The following LRRTM4 variants were observed in gnomAD, a reference collection of about 807,000 sequenced individuals.
LRRTM4 encodes the protein leucine rich repeat transmembrane neuronal 4.
In LRRTM4, 25 loss-of-function variants were observed where a neutral mutation model predicts 47.6. The ratio of observed to expected loss-of-function variants is 0.53; its 90% confidence interval spans 0.38 to 0.73. The LOEUF (loss-of-function observed/expected upper bound fraction) is 0.73, where lower values mean the gene tolerates loss of function less well. Among genes scored for constraint, LRRTM4 ranks in the 30% least tolerant of loss-of-function variants. The pLI is 0.00. For synonymous variants in LRRTM4, 311 were observed against 269.5 expected, an observed-to-expected ratio of 1.15 and a Z score of -1.51; for missense variants, 638 against 713.4, an observed-to-expected ratio of 0.89 and a Z score of 1.20.
intron 3 of LRRTM4, 189 bp downstream of exon 3, chr2:77,518,129 T>TAAA: frequency 5.9e-6 from 7 of 1,188,880 alleles, no homozygotes; most frequent in East Asian, 6.4e-5. Context: ...TTCAACCATT[T>TAAA]AAAAAAAAAA....
intron 3 of LRRTM4, among the ~76,000 whole-genome samples, chr2:76,831,635 C>T (rs576208106): frequency 2.8e-4 from 42 of 152,150 alleles, no homozygotes; most frequent in Non-Finnish European, 6.0e-4. Context: ...ATGGTTTACT[C>T]CAAATCCATA....
At chr2:77,218,367 T>C (rs2103940563) in intron 3 of LRRTM4, among the ~76,000 whole-genome samples, 1 of 151,794 alleles carries the variant, frequency 6.6e-6, no homozygotes, top group African/African-American at 2.4e-5. Flanking sequence ...TGATAGCTTA[T>C]TTCAGACTTT....
chr2:76,855,011 G>A (rs969992873), intron 3 of LRRTM4, among the ~76,000 whole-genome samples: 1 of 151,898 alleles, frequency 6.6e-6, no homozygotes, highest in African/African-American at 2.4e-5. Flanking sequence ...AAATAAGAAG[G>A]TCCAGATAGG....
chr2:77,093,523 C>T (rs1194135756), intron 3 of LRRTM4, among the ~76,000 whole-genome samples: 1 of 151,922 alleles, frequency 6.6e-6, no homozygotes, highest in Non-Finnish European at 1.5e-5. Flanking sequence ...CTCTACATTC[C>T]CACACCACCC....
intron 3 of LRRTM4, among the ~76,000 whole-genome samples, chr2:77,477,035 G>A (rs1458495447): frequency 1.3e-5 from 2 of 151,092 alleles, no homozygotes; most frequent in African/African-American, 4.9e-5. Context: ...GAAAAGAATT[G>A]TTTACTGGGC....
At chr2:77,509,827 T>C (rs553898686) in intron 3 of LRRTM4, among the ~76,000 whole-genome samples, 1 of 152,222 alleles carries the variant, frequency 6.6e-6, no homozygotes, top group African/African-American at 2.4e-5. Context: ...TATTTACTTG[T>C]CCAATATTAG....
chr2:76,880,458 ATAC>A (rs1672897676), intron 3 of LRRTM4, among the ~76,000 whole-genome samples: 3 of 152,126 alleles, frequency 2.0e-5, no homozygotes, highest in South Asian at 4.1e-4. Flanking sequence ...CTTTTTAGAC[ATAC>A]TACTATTATG....
At chr2:77,271,992 C>T (rs957500451) in intron 3 of LRRTM4, among the ~76,000 whole-genome samples, 2 of 151,912 alleles carry the variant, frequency 1.3e-5, no homozygotes, top group African/African-American at 4.8e-5. Flanking sequence ...GTTCATTTGC[C>T]CAAAATGTCC....
At chr2:77,483,463 C>T (rs1677794348) in intron 3 of LRRTM4, among the ~76,000 whole-genome samples, 2 of 152,060 alleles carry the variant, frequency 1.3e-5, no homozygotes, top group Admixed American at 1.3e-4. Context: ...GCCTCAGCCT[C>T]CCAAGTAGCT....
chr2:77,348,373 T>C (rs1449177484), intron 3 of LRRTM4, among the ~76,000 whole-genome samples: 1 of 151,376 alleles, frequency 6.6e-6, no homozygotes, highest in East Asian at 1.9e-4. Flanking sequence ...ATACCCTGTA[T>C]CGTGCTCCAT....
intron 3 of LRRTM4, among the ~76,000 whole-genome samples, chr2:77,070,432 A>G (rs780260678): frequency 5.3e-5 from 8 of 152,130 alleles, no homozygotes; most frequent in Non-Finnish European, 1.0e-4. Context: ...TAAAGATAAA[A>G]CATAAATGAC....
At chr2:76,894,837 T>G (rs1376502287) in intron 3 of LRRTM4, among the ~76,000 whole-genome samples, 1 of 151,748 alleles carries the variant, frequency 6.6e-6, no homozygotes, top group Non-Finnish European at 1.5e-5. Context: ...AATACGTCTG[T>G]TGCAATACAT....
At chr2:76,980,285 C>T (rs567382817) in intron 3 of LRRTM4, among the ~76,000 whole-genome samples, 4 of 152,010 alleles carry the variant, frequency 2.6e-5, no homozygotes, top group Admixed American at 2.6e-4. Flanking sequence ...TTCCAGATAC[C>T]ACTATCTCTA....
Position 76,968,515 on chromosome 2 carries a change from G to A in LRRTM4, c.1552-219599C>T, listed in dbSNP as rs567380903. On this transcript the variant is annotated intron_variant, in intron 3 of 3. Transcript: ENST00000409884. Reference sequence around the variant, plus strand: ...ATCTATTTGTATTCTCACATTGTATGTATATTGAAAAAAATATCTCTTCAA... The same window carrying A: ...ATCTATTTGTATTCTCACATTGTATATATATTGAAAAAAATATCTCTTCAA... 4.0e-5 allele frequency among the ~76,000 whole-genome samples: 6 copies of A among 150,286 alleles called. No homozygotes were observed. The South Asian group carries it at 1.3e-3, about 32-fold the overall frequency.
At chr2:77,332,784 T>A (rs1671017845) in intron 3 of LRRTM4, among the ~76,000 whole-genome samples, 1 of 152,228 alleles carries the variant, frequency 6.6e-6, no homozygotes. Flanking sequence ...ACACCTACAC[T>A]ATAGAATTCT....
At chr2:77,400,291 G>T (rs953399434) in intron 3 of LRRTM4, among the ~76,000 whole-genome samples, 1 of 151,550 alleles carries the variant, frequency 6.6e-6, no homozygotes, top group African/African-American at 2.4e-5. Flanking sequence ...TGAGTAATTG[G>T]CTCTACAATT....
chr2:76,929,630 T>C (rs1161013059), intron 3 of LRRTM4, among the ~76,000 whole-genome samples: 2 of 152,126 alleles, frequency 1.3e-5, no homozygotes, highest in African/African-American at 2.4e-5. Context: ...AGTAGACATG[T>C]TTCTTTAAGT....
chr2:77,482,931 G>T (rs1047254987), intron 3 of LRRTM4, among the ~76,000 whole-genome samples: 2 of 151,394 alleles, frequency 1.3e-5, no homozygotes, highest in South Asian at 2.1e-4. Context: ...GACCATCCTG[G>T]CCAACATGGT....
At position 77,407,855 on chromosome 2, in the gene LRRTM4, G is replaced by A. The variant is rs1295463387; in HGVS notation, c.1551+110463C>T. On this transcript the variant is annotated intron_variant, in intron 3 of 3. Coordinates refer to ENST00000409884, the MANE Select transcript of LRRTM4 (RefSeq NM_001134745.3). The stretch of plus-strand genomic sequence containing the variant: ...ACTGTCTGTTAACAGTCTTGCTCAG[G>A]TCATGTTTGAACTTTTTCTCTTTGA... Among the ~76,000 whole-genome samples, 3 of 150,558 alleles carry A rather than the reference G, an allele frequency of 2.0e-5. No homozygotes were observed. In the East Asian group the frequency reaches 5.9e-4, roughly 29 times the overall value.
Sources: allele counts gnomAD v4.1 joint callset (sites outside exome capture counted in the v4.1 genomes callset), GRCh38; gene constraint gnomAD v4.1.1; transcripts MANE v1.5; gene names NCBI Gene and HGNC (gene_info 2026-07-23, HGNC 2026-07-21).